The following RNF212B variants were observed in gnomAD, a reference collection of about 807,000 sequenced individuals.
RNF212B encodes the protein E3 ubiquitin-protein ligase RNF212B.
RNF212B carries 52 observed loss-of-function variants against 55.5 expected under a neutral mutation model. That is an observed-to-expected ratio of 0.94 (90% CI 0.75 to 1.18). The LOEUF is 1.18. Ranked by LOEUF, RNF212B falls within the 50% of genes most tolerant of loss-of-function variation. The probability of loss-of-function intolerance (pLI) is 0.00; values close to 1 mark genes in which losing one functional copy is unlikely to be tolerated. For missense variants in RNF212B, 289 were observed against 350.4 expected, an observed-to-expected ratio of 0.82 and a Z score of 1.40; for synonymous variants, 99 against 121.4, an observed-to-expected ratio of 0.82 and a Z score of 1.21.
chr14:23,260,802 C>G, intron 7 of RNF212B, 115 bp downstream of exon 7: 1 of 962,930 alleles, frequency 1.0e-6, no homozygotes, highest in South Asian at 1.5e-5. Context: ...TTAGCTTTCA[C>G]TTCTCCGAGG....
intron 2 of RNF212B, among the ~76,000 whole-genome samples, chr14:23,222,638 C>A (rs1264992775): frequency 1.3e-5 from 2 of 152,104 alleles, no homozygotes; most frequent in African/African-American, 4.8e-5. Flanking sequence ...TCTATGAGGC[C>A]AGTATTTCCC....
intron 2 of RNF212B, among the ~76,000 whole-genome samples, chr14:23,213,068 T>C (rs1880688434): frequency 6.6e-6 from 1 of 151,822 alleles, no homozygotes; most frequent in Non-Finnish European, 1.5e-5. Flanking sequence ...ATCCCAGCAC[T>C]TTGGGAGGCC....
At chr14:23,197,887 G>A (rs1878886054) in intron 2 of RNF212B, among the ~76,000 whole-genome samples, 1 of 151,906 alleles carries the variant, frequency 6.6e-6, no homozygotes, top group African/African-American at 2.4e-5. Flanking sequence ...CATTTCATAG[G>A]ATTTGGGAAG....
At chr14:23,192,557 G>T (rs919231241) in intron 1 of RNF212B, among the ~76,000 whole-genome samples, 9 of 141,248 alleles carry the variant, frequency 6.4e-5, no homozygotes, top group Non-Finnish European at 1.4e-4. Flanking sequence ...GAGGGGGAAG[G>T]GATAGCATTA....
At chr14:23,264,330 A>G in intron 10 of RNF212B, 96 bp downstream of exon 10, 1 of 1,067,932 alleles carries the variant, frequency 9.4e-7, no homozygotes, top group South Asian at 1.4e-5. Context: ...TGGTTTTGGC[A>G]TAAATTATCT....
intron 2 of RNF212B, among the ~76,000 whole-genome samples, chr14:23,227,149 G>A (rs1026259748): frequency 1.3e-5 from 2 of 152,000 alleles, no homozygotes; most frequent in African/African-American, 2.4e-5. Context: ...AATGAGTCAA[G>A]GGTATATGGA....
upstream of RNF212B, among the ~76,000 whole-genome samples, chr14:23,234,095 A>G (rs1020676618): frequency 2.0e-5 from 3 of 152,186 alleles, no homozygotes; most frequent in Non-Finnish European, 4.4e-5. Flanking sequence ...CATGTGTACG[A>G]AGGAACACTC....
At position 23,229,690 on chromosome 14, in the gene RNF212B, A is replaced by G. The variant is rs186024557; in HGVS notation, c.-1-10655A>G. Among the ~76,000 whole-genome samples, 374 of 152,298 alleles carry G rather than the reference A, an allele frequency of 2.5e-3. 2 individuals are homozygous for G. Among genetic ancestry groups the G allele is most frequent in the African/African-American group, 8.6e-3 (356 of 41,570 alleles). ...CTGGACACTTCTATATCTTCTTTGTAGAAATGTCTATTCAAATCTTTTGCC... is the reference window on the plus strand; with the variant it reads ...CTGGACACTTCTATATCTTCTTTGTGGAAATGTCTATTCAAATCTTTTGCC... On this transcript the variant is annotated intron_variant, in intron 2 of 15. Transcript: ENST00000399910.
At chr14:23,194,523 A>G (rs898745483) in intron 2 of RNF212B, among the ~76,000 whole-genome samples, 1 of 152,062 alleles carries the variant, frequency 6.6e-6, no homozygotes, top group Admixed American at 6.6e-5. Flanking sequence ...AGATCATCTG[A>G]GCTCAGGAGT....
chr14:23,258,211 G>A (rs759958431), intron 4 of RNF212B, among the ~76,000 whole-genome samples: 27 of 152,010 alleles, frequency 1.8e-4, no homozygotes, highest in Non-Finnish European at 3.1e-4. Context: ...GGTAGCACAT[G>A]CCTGTAAACC....
chr14:23,213,174 G>A (rs10144491), intron 2 of RNF212B, among the ~76,000 whole-genome samples: 86,526 of 151,528 alleles, frequency 0.57, 25,467 homozygotes, highest in Admixed American at 0.67. Flanking sequence ...TTAGCCGGGC[G>A]TGGTGGCAGG....
At chr14:23,272,558 T>A in intron 14 of RNF212B, 1 of 460,732 alleles carries the variant, frequency 2.2e-6, no homozygotes, top group Non-Finnish European at 3.9e-6. Context: ...TAGTCATATG[T>A]CCCAGATTTT....
At position 23,262,105 on chromosome 14, in the gene RNF212B, T is replaced by C. The variant is rs139077040; in HGVS notation, c.435-560T>C. Among the ~76,000 whole-genome samples the C allele has an allele frequency of 2.9e-3, 435 of 152,356 alleles. 2 individuals are homozygous for C. The highest frequency in any genetic ancestry group is 1.0e-2 in the African/African-American group (415 of 41,574). ...TACATTCATAGAAGTTACAGTCTAA[T>C]GTTCTTTTGTCCTTCTATACTTCTG... is the stretch of plus-strand genomic sequence containing the variant. On this transcript the variant is annotated intron_variant, in intron 7 of 14. Transcript: ENST00000430154.
At chr14:23,191,318 C>T (rs1284676790) in intron 1 of RNF212B, among the ~76,000 whole-genome samples, 1 of 148,082 alleles carries the variant, frequency 6.8e-6, no homozygotes, top group East Asian at 2.0e-4. Flanking sequence ...GATCGCACTG[C>T]ACCCTGGGCG....
chr14:23,258,712 T>TTTC, intron 5 of RNF212B, 48 bp downstream of exon 5: 1 of 767,532 alleles, frequency 1.3e-6, no homozygotes, highest in Non-Finnish European at 2.0e-6. Flanking sequence ...TTTTTTTTTT[T>TTTC]CTAAGAAGTG....
chr14:23,240,055 ACTGT>A (rs1214987251), intron 1 of RNF212B, among the ~76,000 whole-genome samples: 1 of 150,818 alleles, frequency 6.6e-6, no homozygotes, highest in African/African-American at 2.4e-5. Flanking sequence ...AAATCTCACC[ACTGT>A]CTGTCCATTA....
upstream of RNF212B, among the ~76,000 whole-genome samples, chr14:23,233,894 C>T (rs1052168977): frequency 3.3e-5 from 5 of 151,776 alleles, no homozygotes; most frequent in Non-Finnish European, 1.5e-5. Flanking sequence ...GTCAGGAGTT[C>T]GAGACCAGCC....
upstream of RNF212B, among the ~76,000 whole-genome samples, chr14:23,236,320 C>T (rs1883086610): frequency 6.6e-6 from 1 of 152,112 alleles, no homozygotes; most frequent in Non-Finnish European, 1.5e-5. Context: ...TCGAGAGCAG[C>T]CTGGCCAACA....
rs187337285 is a variant in RNF212B at position 23,217,182 on chromosome 14, C to G, written c.-1-23163C>G. On this transcript the variant is annotated intron_variant, in intron 2 of 15. Coordinates refer to the RNF212B transcript ENST00000399910. ...TCACCACAAGCTGACAGAGAAGCTC[C>G]TGGGTTTTAAGTTAACATCAGCAGT... is the stretch of plus-strand genomic sequence containing the variant. Among the ~76,000 whole-genome samples, 528 of 150,830 alleles carry G rather than the reference C, an allele frequency of 3.5e-3. 5 individuals carry two copies. The highest frequency in any genetic ancestry group is 0.012 in the African/African-American group (497 of 40,274).
Sources: allele counts gnomAD v4.1 joint callset (sites outside exome capture counted in the v4.1 genomes callset), GRCh38; gene constraint gnomAD v4.1.1; transcripts MANE v1.5; gene names NCBI Gene and HGNC (gene_info 2026-07-23, HGNC 2026-07-21).